The following DMXL1 variants were observed in gnomAD, a reference collection of about 807,000 sequenced individuals.
DMXL1 encodes Dmx like 1, also known as dmX-like protein 1.
DMXL1 carries 99 observed loss-of-function variants against 319.2 expected under a neutral mutation model. The observed-to-expected ratio is 0.31, with a 90% CI of 0.26 to 0.37. The LOEUF is 0.37. DMXL1 is among the 10% of genes least tolerant of loss of function. The pLI is 1.00. For missense variants in DMXL1, 3,745 were observed against 3,595.6 expected, an observed-to-expected ratio of 1.04 and a Z score of -1.06; for synonymous variants, 1,385 against 1,235.2, an observed-to-expected ratio of 1.12 and a Z score of -2.54.
chr5:119,076,166 T>C (rs145163107), intron 1 of DMXL1, among the ~76,000 whole-genome samples: 1 of 152,286 alleles, frequency 6.6e-6, no homozygotes, highest in Non-Finnish European at 1.5e-5. Context: ...AAATATGTTA[T>C]AGCTCCAATT....
At chr5:119,114,634 A>G in intron 6 of DMXL1, 93 bp downstream of exon 6, 1 of 859,688 alleles carries the variant, frequency 1.2e-6, no homozygotes. Flanking sequence ...TTATTTATTT[A>G]ACTTGAAAAT....
chr5:119,101,314 T>C (rs952026099), intron 2 of DMXL1, among the ~76,000 whole-genome samples: 4 of 152,190 alleles, frequency 2.6e-5, no homozygotes, highest in Admixed American at 2.0e-4. Flanking sequence ...TGTTTTTTTT[T>C]CTATCCCTGA....
rs184391266 is a variant in DMXL1 at position 119,117,213 on chromosome 5, G to T, written c.743+877G>T. Reference sequence around the variant, plus strand: ...TGGGCTAATATATTTTTTTCTTTTCGGATTTTTTGTAGAGATGGGGTTTTG... The same window carrying T: ...TGGGCTAATATATTTTTTTCTTTTCTGATTTTTTGTAGAGATGGGGTTTTG... On this transcript the variant is annotated intron_variant, in intron 7 of 43. Transcript: ENST00000539542. 2.0e-5 allele frequency among the ~76,000 whole-genome samples: 3 copies of T among 151,922 alleles called. No homozygotes were observed. The East Asian group carries it at 5.8e-4, about 29-fold the overall frequency.
Position 119,189,784 on chromosome 5 carries a change from C to G in DMXL1, c.7212C>G (p.Ala2404=), listed in dbSNP as rs139727247. ...CAAAAATGTCTTGCAGAGAATCTGC[C>G]CCACTGACCCCTTCCTCGGCACCAG... ...RPSKMSCRES[A]PLTPSSAPVS... Residue 2404 remains alanine, a synonymous_variant, in exon 29 of 44, where the codon GCC becomes GCG. Coordinates refer to ENST00000539542, the MANE Select transcript of DMXL1 (RefSeq NM_001290321.3). 1,121 of 1,614,006 alleles carry G rather than the reference C, an allele frequency of 6.9e-4. No individual in the cohort carries two copies. Among genetic ancestry groups the G allele is most frequent in the Middle Eastern group, 1.5e-3 (9 of 6,062 alleles).
At chr5:119,121,692 G>T (rs962295714) in intron 9 of DMXL1, among the ~76,000 whole-genome samples, 1 of 152,214 alleles carries the variant, frequency 6.6e-6, no homozygotes. Flanking sequence ...TCTCTACACA[G>T]ACACGGCAAC....
At chr5:119,101,500 C>A (rs1757273319) in intron 2 of DMXL1, among the ~76,000 whole-genome samples, 1 of 152,188 alleles carries the variant, frequency 6.6e-6, no homozygotes, top group Non-Finnish European at 1.5e-5. Flanking sequence ...AAAATGTACT[C>A]AGGGAGTTTC....
Position 119,150,091 on chromosome 5 carries a change from T to C in DMXL1, c.4264T>C (p.Ser1422Pro). ...AGCAGATGATGATAGCTGTTACTCA[T>C]CTTTGGAGAAATCTAGTAATGAGAG... Reference protein sequence around the residue: ...LAADDDSCYSSLEKSSNESTL... With the variant: ...LAADDDSCYSPLEKSSNESTL... The change falls in exon 18 of 44, where the codon TCT (serine) becomes CCT (proline). Residue 1422 changes from serine to proline, a missense_variant. Coordinates refer to ENST00000539542, the MANE Select transcript of DMXL1 (RefSeq NM_001290321.3). 5.0e-6 allele frequency: 8 copies of C among 1,613,808 alleles called. No individual in the cohort carries two copies. The highest frequency in any genetic ancestry group is 6.8e-6 in the Non-Finnish European group (8 of 1,179,876).
chr5:119,181,302 C>A (rs919700376), intron 28 of DMXL1, among the ~76,000 whole-genome samples: 1 of 152,058 alleles, frequency 6.6e-6, no homozygotes, highest in African/African-American at 2.4e-5. Context: ...ACGTATTGTT[C>A]ACTTAGTGGT....
chr5:119,108,765 T>G (rs1758910245), intron 4 of DMXL1, among the ~76,000 whole-genome samples: 1 of 151,876 alleles, frequency 6.6e-6, no homozygotes, highest in South Asian at 2.1e-4. Flanking sequence ...GCTTTTTAAA[T>G]ATTTGGTTGA....
chr5:119,126,592 A>T (rs1475180435), intron 9 of DMXL1, among the ~76,000 whole-genome samples: 1 of 152,222 alleles, frequency 6.6e-6, no homozygotes, highest in East Asian at 1.9e-4. Flanking sequence ...CAATTCAAGC[A>T]TCGTAATCTC....
rs371423463 is a variant in DMXL1 at position 119,171,127 on chromosome 5, G to T, written c.6336G>T (p.Leu2112=). ...CTCACCAAACAAAAGTGAAACAACT[G>T]AGAGAAAATTTTCAGGAAAAAAGAC... ...DLPHQTKVKQ[L]RENFQEKRQW... is the part of the protein sequence containing the mutation. Residue 2112 remains leucine, a synonymous_variant, in exon 24 of 44, where the codon CTG becomes CTT. Transcript: ENST00000539542. The T allele has an allele frequency of 3.0e-5, 49 of 1,613,790 alleles. No individual in the cohort carries two copies. The highest frequency in any genetic ancestry group is 4.2e-5 in the Non-Finnish European group (49 of 1,179,894).
intron 9 of DMXL1, among the ~76,000 whole-genome samples, chr5:119,124,311 C>T (rs1000747795): frequency 4.7e-5 from 7 of 147,524 alleles, no homozygotes; most frequent in African/African-American, 1.5e-4. Flanking sequence ...GAGCGAGACT[C>T]CATCTCAAAA....
chr5:119,171,774 T>C lies in DMXL1; in HGVS notation c.6490-4T>C, dbSNP rs949684315. The C allele has an allele frequency of 1.2e-6, 2 of 1,600,726 alleles. No individual in the cohort carries two copies. The highest frequency in any genetic ancestry group is 2.7e-5 in the African/African-American group (2 of 74,262). ...TTAACCTTTTATCCCTCTTTGTTTT[T>C]AAGGAAACATCAGAACCACTATTTT... On this transcript the variant is annotated splice_polypyrimidine_tract_variant and splice_region_variant and intron_variant, in intron 24 of 43. Coordinates refer to ENST00000539542, the MANE Select transcript of DMXL1 (RefSeq NM_001290321.3).
intron 37 of DMXL1, among the ~76,000 whole-genome samples, chr5:119,223,203 T>A (rs900915556): frequency 4.6e-5 from 7 of 151,806 alleles, no homozygotes; most frequent in Non-Finnish European, 1.0e-4. Flanking sequence ...ATTACAGGCA[T>A]GCACTACCAT....
At chr5:119,235,727 A>G (rs935368954) in intron 39 of DMXL1, among the ~76,000 whole-genome samples, 1 of 152,074 alleles carries the variant, frequency 6.6e-6, no homozygotes, top group African/African-American at 2.4e-5. Context: ...GAAAAAGGTT[A>G]TTTACAACCC....
At chr5:119,096,604 G>C (rs538085581) in intron 1 of DMXL1, among the ~76,000 whole-genome samples, 2 of 152,318 alleles carry the variant, frequency 1.3e-5, no homozygotes, top group African/African-American at 4.8e-5. Flanking sequence ...ACGTGTGCCA[G>C]TCTATAATAT....
intron 19 of DMXL1, among the ~76,000 whole-genome samples, chr5:119,159,702 C>T (rs1474365238): frequency 2.6e-5 from 4 of 152,188 alleles, no homozygotes; most frequent in African/African-American, 7.2e-5. Flanking sequence ...CAGCTCACTG[C>T]GACCTGTGCC....
chr5:119,220,841 A>T, intron 36 of DMXL1, 99 bp from the exon 37 acceptor site: 1 of 1,408,048 alleles, frequency 7.1e-7, no homozygotes, highest in South Asian at 1.4e-5. Context: ...GAAGAAAATT[A>T]ATTTTAAAGG....
rs117187592 is a variant in DMXL1, at chr5:119,079,902, A to G, written c.87+8246A>G. Among the ~76,000 whole-genome samples, 589 of 152,162 alleles carry G rather than the reference A, an allele frequency of 3.9e-3. 9 individuals carry two copies. The highest frequency in any genetic ancestry group is 0.026 in the South Asian group (126 of 4,814). On this transcript the variant is annotated intron_variant, in intron 1 of 43. Coordinates refer to ENST00000539542, the MANE Select transcript of DMXL1 (RefSeq NM_001290321.3). Reference sequence around the variant, plus strand: ...TATCTTTCTTGTCTGTCCCTTAAATATTGGTGACCGTCAGGCCTACCAGGC... The same window carrying G: ...TATCTTTCTTGTCTGTCCCTTAAATGTTGGTGACCGTCAGGCCTACCAGGC...
Sources: allele counts gnomAD v4.1 joint callset (sites outside exome capture counted in the v4.1 genomes callset), GRCh38; gene constraint gnomAD v4.1.1; transcripts MANE v1.5; gene names NCBI Gene and HGNC (gene_info 2026-07-23, HGNC 2026-07-21).